The following SI variants were observed in gnomAD, a reference collection of about 807,000 sequenced individuals.
SI encodes the protein sucrase-isomaltase, also known as sucrase-isomaltase, intestinal.
Under a neutral mutation model 253.3 loss-of-function variants are expected in SI, and 235 were observed. The ratio of observed to expected loss-of-function variants is 0.93; its 90% CI spans 0.83 to 1.03. The LOEUF (loss-of-function observed/expected upper bound fraction) is 1.03, where lower values mean the gene tolerates loss of function less well. SI is among the 50% of genes least tolerant of loss of function. The pLI, the probability that SI is intolerant of heterozygous loss-of-function variation, is 0.00. For synonymous variants in SI, 819 were observed against 712.0 expected (o/e 1.15, Z -2.39); for missense variants, 2,442 against 2,211.1 (o/e 1.10, Z -2.09).
At chr3:165,019,484 T>G (rs1661585476) in intron 28 of SI, 118 bp downstream of exon 28, 3 of 939,648 alleles carry the variant, frequency 3.2e-6, no homozygotes, top group Admixed American at 3.8e-5. Context: ...GCTCTGGAGA[T>G]CTCTAGCTAA....
At chr3:165,061,589 G>A (rs896969239) in intron 9 of SI, among the ~76,000 whole-genome samples, 3 of 151,822 alleles carry the variant, frequency 2.0e-5, no homozygotes, top group African/African-American at 4.8e-5. Context: ...GGAATTTTAT[G>A]TCAAAAGGTA....
At chr3:165,047,261 T>G (rs1713172162) in intron 15 of SI, among the ~76,000 whole-genome samples, 1 of 152,016 alleles carries the variant, frequency 6.6e-6, no homozygotes, top group Non-Finnish European at 1.5e-5. Flanking sequence ...TCATGAGATC[T>G]GACGGTTTTA....
At chr3:165,015,903 G>A in intron 32 of SI, 49 bp downstream of exon 32, 1 of 1,533,260 alleles carries the variant, frequency 6.5e-7, no homozygotes, top group Non-Finnish European at 9.0e-7. Context: ...CATTTTAGGT[G>A]AATTAATGGA....
chr3:164,983,041 T>A lies in SI; in HGVS notation c.5208A>T (p.Glu1736Asp). ...ATTGTACAGATAAATATAGGTCTCTTTCATAGGTGTCTGTAGAGAGAGAAA... is the reference window on the plus strand; with the variant it reads ...ATTGTACAGATAAATATAGGTCTCTATCATAGGTGTCTGTAGAGAGAGAAA... ...WDDGESIDTYERDLYLSVQFN... is the reference protein window; with the variant it reads ...WDDGESIDTYDRDLYLSVQFN... Residue 1736 changes from glutamate (E) to aspartate (D), a missense_variant, in exon 46 of 48, where the codon GAA (glutamate) becomes GAT (aspartate). By Grantham distance (45) the Glu-to-Asp change is conservative. Transcript: ENST00000264382. The A allele has an allele frequency of 6.5e-7, 1 of 1,546,278 alleles. No individual in the cohort carries two copies. Among genetic ancestry groups the A allele is most frequent in the Non-Finnish European group, 8.9e-7 (1 of 1,126,652 alleles).
At chr3:165,012,760 G>C (rs1718829445) in intron 34 of SI, among the ~76,000 whole-genome samples, 1 of 151,900 alleles carries the variant, frequency 6.6e-6, no homozygotes, top group South Asian at 2.1e-4. Context: ...ATGATTGCTT[G>C]GATTAAATAA....
upstream of SI, among the ~76,000 whole-genome samples, chr3:165,080,865 A>T (rs533697717): frequency 1.3e-3 from 198 of 152,164 alleles, 2 homozygotes; most frequent in Non-Finnish European, 2.3e-3. Context: ...ACAAACCTGC[A>T]CATTGTGCAC....
chr3:165,039,813 G>T, intron 19 of SI, 74 bp downstream of exon 19: 1 of 1,003,460 alleles, frequency 1.0e-6, no homozygotes, highest in Non-Finnish European at 1.6e-6. Context: ...CTATTATTCA[G>T]ATGTTTTGTA....
chr3:165,018,141 T>G (rs1719132318), intron 28 of SI, 75 bp from the exon 29 acceptor site: 1 of 893,038 alleles, frequency 1.1e-6, no homozygotes, highest in East Asian at 2.6e-5. Context: ...TATTTTAAAA[T>G]TTATTATACA....
chr3:165,076,169 A>G (rs2108118422), intron 1 of SI, among the ~76,000 whole-genome samples, 157 bp from the exon 2 acceptor site: 1 of 152,034 alleles, frequency 6.6e-6, no homozygotes, highest in East Asian at 1.9e-4. Context: ...CACTTACTTA[A>G]TAATATATTA....
chr3:165,069,224 T>C (rs1355769152), intron 3 of SI, 29 bp from the exon 4 acceptor site: 2 of 1,319,138 alleles, frequency 1.5e-6, no homozygotes, highest in Non-Finnish European at 2.2e-6. Flanking sequence ...AGGAATTATA[T>C]AATTACTACT....
At chr3:165,059,390 A>G (rs1429730550) in intron 10 of SI, 91 bp from the exon 11 acceptor site, 1 of 1,230,336 alleles carries the variant, frequency 8.1e-7, no homozygotes, top group East Asian at 2.3e-5. Context: ...TGTATTATAA[A>G]CATAACCCTT....
intron 37 of SI, among the ~76,000 whole-genome samples, chr3:165,003,718 T>A (rs1305477416): frequency 6.6e-6 from 1 of 152,126 alleles, no homozygotes; most frequent in African/African-American, 2.4e-5. Context: ...GTTTTAAATA[T>A]TCAGATGCTT....
chr3:164,984,710 T>C (rs1717355160), intron 45 of SI, among the ~76,000 whole-genome samples: 1 of 152,140 alleles, frequency 6.6e-6, no homozygotes, highest in Non-Finnish European at 1.5e-5. Flanking sequence ...TTAACAAGTT[T>C]TAGGAGAAGT....
chr3:164,979,369 C>CAGTTGAT lies in SI; in HGVS notation c.5470_5476dup (p.Trp1826TyrfsTer65). 1 of 1,582,588 alleles carries CAGTTGAT rather than the reference C, an allele frequency of 6.3e-7. No individual in the cohort carries two copies. The highest frequency in any genetic ancestry group is 8.7e-7 in the Non-Finnish European group (1 of 1,152,990). On this transcript the variant is annotated frameshift_variant, in exon 48 of 48. Transcript: ENST00000264382. LOFTEE classifies it high-confidence loss of function. ...TAAAATTGATGGTGATCTTCATGAC[C>CAGTTGAT]AGTTGATTTCTATTGGTTCTTCTAG... is the stretch of plus-strand genomic sequence containing the variant.
At chr3:165,064,504 T>C (rs886138397) in intron 7 of SI, among the ~76,000 whole-genome samples, 2 of 152,128 alleles carry the variant, frequency 1.3e-5, no homozygotes, top group Non-Finnish European at 2.9e-5. Flanking sequence ...CATTGCCATT[T>C]AAAAAGAAGT....
chr3:165,005,052 C>T (rs1365510605), intron 37 of SI, among the ~76,000 whole-genome samples: 1 of 152,118 alleles, frequency 6.6e-6, no homozygotes, highest in Non-Finnish European at 1.5e-5. Context: ...GTAAGATGCA[C>T]CTTGCTTCTC....
chr3:165,003,109 T>C (rs1411841418), intron 37 of SI, among the ~76,000 whole-genome samples: 2 of 151,906 alleles, frequency 1.3e-5, no homozygotes, highest in East Asian at 3.9e-4. Flanking sequence ...CTTTGATACC[T>C]GTGATTATAA....
At chr3:165,042,092 T>C (rs1409939666) in intron 17 of SI, among the ~76,000 whole-genome samples, 2 of 152,062 alleles carry the variant, frequency 1.3e-5, no homozygotes, top group South Asian at 4.1e-4. Flanking sequence ...ACTCCCTTTG[T>C]CATTCACATT....
intron 12 of SI, among the ~76,000 whole-genome samples, chr3:165,056,304 G>A (rs1390508711): frequency 2.0e-5 from 3 of 152,062 alleles, no homozygotes; most frequent in Admixed American, 1.3e-4. Context: ...CTTTAAGTTG[G>A]ATGAATGTGA....
Sources: gnomAD v4.1 joint callset for allele counts (sites outside exome capture counted in the v4.1 genomes callset) on GRCh38, gnomAD v4.1.1 for gene constraint, MANE v1.5 for transcripts, NCBI Gene and HGNC (gene_info 2026-07-23, HGNC 2026-07-21) for gene names.